The following NPAS3 variants were observed in gnomAD, a reference collection of about 807,000 sequenced individuals.
The protein encoded by NPAS3 is neuronal PAS domain-containing protein 3.
A neutral mutation model predicts 73.1 loss-of-function variants in NPAS3; 14 were observed. The observed-to-expected ratio is 0.19, with a 90% CI of 0.13 to 0.30. The LOEUF (loss-of-function observed/expected upper bound fraction) is 0.30, where lower values mean the gene tolerates loss of function less well. NPAS3 is among the 10% of genes least tolerant of loss of function. NPAS3 has a pLI of 1.00. For synonymous variants in NPAS3, 620 were observed against 541.5 expected (o/e 1.14, Z -2.01); for missense variants, 1,096 against 1,250.0 (o/e 0.88, Z 1.86).
intron 7 of NPAS3, among the ~76,000 whole-genome samples, chr14:33,746,565 T>C (rs2061806009): frequency 6.6e-6 from 1 of 151,874 alleles, no homozygotes; most frequent in African/African-American, 2.4e-5. Context: ...GTAACACTAT[T>C]ATTCTAAATA....
At chr14:33,768,554 G>A (rs888099060) in intron 7 of NPAS3, among the ~76,000 whole-genome samples, 1 of 152,300 alleles carries the variant, frequency 6.6e-6, no homozygotes, top group Non-Finnish European at 1.5e-5. Flanking sequence ...GGCTGTAAAG[G>A]AGGAGGTGGG....
At chr14:33,466,348 A>G (rs1471482162) in intron 4 of NPAS3, among the ~76,000 whole-genome samples, 1 of 152,240 alleles carries the variant, frequency 6.6e-6, no homozygotes, top group African/African-American at 2.4e-5. Context: ...TGCTAGAAAA[A>G]GCAGATGATG....
At chr14:33,368,233 G>A (rs1484980803) in intron 4 of NPAS3, among the ~76,000 whole-genome samples, 1 of 151,446 alleles carries the variant, frequency 6.6e-6, no homozygotes, top group Admixed American at 6.6e-5. Flanking sequence ...CCTTTTCTAG[G>A]TTGTCAAAAG....
intron 1 of NPAS3, among the ~76,000 whole-genome samples, chr14:32,945,717 CTGTT>C (rs1208894210): frequency 6.6e-6 from 1 of 152,200 alleles, no homozygotes; most frequent in Non-Finnish European, 1.5e-5. Context: ...CGATAGCCCT[CTGTT>C]TTGGTCCTTC....
At chr14:33,521,013 G>C (rs1482288485) in intron 4 of NPAS3, among the ~76,000 whole-genome samples, 1 of 152,044 alleles carries the variant, frequency 6.6e-6, no homozygotes, top group Non-Finnish European at 1.5e-5. Context: ...ATAAATTTTA[G>C]GGTAGAATTC....
chr14:33,707,859 C>T (rs921491432), intron 6 of NPAS3, among the ~76,000 whole-genome samples: 1 of 152,172 alleles, frequency 6.6e-6, no homozygotes, highest in African/African-American at 2.4e-5. Context: ...GCTAAATTAT[C>T]GCTTTGCCTG....
At chr14:33,438,110 G>C (rs1296172333) in intron 4 of NPAS3, among the ~76,000 whole-genome samples, 2 of 152,070 alleles carry the variant, frequency 1.3e-5, no homozygotes, top group Non-Finnish European at 2.9e-5. Context: ...AAATTTTCTT[G>C]ATATTTAAAA....
chr14:32,989,506 A>T (rs1282315244), intron 1 of NPAS3, among the ~76,000 whole-genome samples: 2 of 151,950 alleles, frequency 1.3e-5, no homozygotes, highest in Non-Finnish European at 2.9e-5. Flanking sequence ...TAGCCGGGCG[A>T]GGTGGCGGGC....
At chr14:33,412,096 T>A (rs1181500790) in intron 4 of NPAS3, among the ~76,000 whole-genome samples, 2 of 152,034 alleles carry the variant, frequency 1.3e-5, no homozygotes, top group Non-Finnish European at 1.5e-5. Flanking sequence ...TTATGTTTTT[T>A]ACCTAACATT....
intron 5 of NPAS3, among the ~76,000 whole-genome samples, chr14:33,578,511 C>T (rs1190435881): frequency 6.6e-6 from 1 of 152,134 alleles, no homozygotes; most frequent in African/African-American, 2.4e-5. Flanking sequence ...CCGTCTTTTG[C>T]ACACTCAGGG....
At chr14:33,066,544 G>GT (rs1404468224) in intron 2 of NPAS3, among the ~76,000 whole-genome samples, 5 of 152,184 alleles carry the variant, frequency 3.3e-5, no homozygotes, top group African/African-American at 9.7e-5. Context: ...AGTAGAGTAT[G>GT]TTTTTACAAG....
At chr14:33,633,159 T>C (rs995462982) in intron 5 of NPAS3, among the ~76,000 whole-genome samples, 1 of 152,350 alleles carries the variant, frequency 6.6e-6, no homozygotes, top group Admixed American at 6.5e-5. Flanking sequence ...TTAGGTTATA[T>C]GCATATACCA....
intron 1 of NPAS3, among the ~76,000 whole-genome samples, chr14:32,949,363 C>G (rs1251880235): frequency 4.0e-5 from 6 of 151,888 alleles, no homozygotes; most frequent in Admixed American, 3.9e-4. Flanking sequence ...TGATTGCATT[C>G]AGAATTTCAT....
At chr14:33,658,123 A>AGGGGAACT (rs1426163811) in intron 5 of NPAS3, among the ~76,000 whole-genome samples, 3 of 152,202 alleles carry the variant, frequency 2.0e-5, no homozygotes, top group African/African-American at 7.2e-5. Context: ...GTAGAAATTG[A>AGGGGAACT]GGGGAACTGT....
chr14:33,736,808 G>C (rs137990451), intron 7 of NPAS3, among the ~76,000 whole-genome samples: 1 of 152,128 alleles, frequency 6.6e-6, no homozygotes, highest in African/African-American at 2.4e-5. Flanking sequence ...TGCCAGGAGT[G>C]AGATATAGTT....
intron 1 of NPAS3, among the ~76,000 whole-genome samples, chr14:33,005,526 A>C (rs1288520243): frequency 6.6e-6 from 1 of 152,118 alleles, no homozygotes; most frequent in East Asian, 1.9e-4. Context: ...CCAGCCCCTG[A>C]GATAGCTGGA....
intron 3 of NPAS3, among the ~76,000 whole-genome samples, chr14:33,276,299 TAAG>T (rs1404835930): frequency 1.3e-5 from 2 of 152,058 alleles, no homozygotes; most frequent in Non-Finnish European, 2.9e-5. Flanking sequence ...AACACAGTAA[TAAG>T]AAGGAAGAAA....
At chr14:33,702,044 C>G (rs558779764) in intron 6 of NPAS3, among the ~76,000 whole-genome samples, 27 of 152,316 alleles carry the variant, frequency 1.8e-4, no homozygotes, top group African/African-American at 5.5e-4. Flanking sequence ...AGAGAAGATG[C>G]AAGATAAAAA....
At chr14:33,704,715 T>G (rs1454534186) in intron 6 of NPAS3, among the ~76,000 whole-genome samples, 1 of 152,170 alleles carries the variant, frequency 6.6e-6, no homozygotes, top group African/African-American at 2.4e-5. Context: ...AAAGTTTTAA[T>G]AGGTCAAGAG....
Sources: allele counts gnomAD v4.1 joint callset (sites outside exome capture counted in the v4.1 genomes callset), GRCh38; gene constraint gnomAD v4.1.1; transcripts MANE v1.5; gene names NCBI Gene and HGNC (gene_info 2026-07-23, HGNC 2026-07-21).